The following GPRIN3 variants were observed in gnomAD, a reference collection of about 807,000 sequenced individuals.
GPRIN3 encodes GPRIN family member 3.
Under a neutral mutation model 13.7 loss-of-function variants are expected in GPRIN3, and 12 were observed. That is an observed-to-expected ratio of 0.87 (90% confidence interval 0.56 to 1.42). GPRIN3 has a LOEUF of 1.42. Ranked by LOEUF, GPRIN3 falls within the 40% of genes most tolerant of loss-of-function variation. The pLI, the probability that GPRIN3 is intolerant of heterozygous loss-of-function variation, is 0.00. For synonymous variants in GPRIN3, 377 were observed against 372.7 expected, an observed-to-expected ratio of 1.01 and a Z score of -0.13; for missense variants, 1,009 against 958.7, an observed-to-expected ratio of 1.05 and a Z score of -0.69.
At chr4:89,299,308 C>T (rs1188272651) in intron 1 of GPRIN3, among the ~76,000 whole-genome samples, 5 of 151,894 alleles carry the variant, frequency 3.3e-5, no homozygotes, top group Admixed American at 2.0e-4. Context: ...GTTGAAACAC[C>T]GACACTTTAG....
Position 89,247,523 on chromosome 4 carries a change from T to C in GPRIN3, c.*257A>G, listed in dbSNP as rs567316955. The stretch of plus-strand genomic sequence containing the variant: ...CATATTTTTAAAAACCCAGTGAGTA[T>C]TATTTTCAATTTGTTAAGGTTGCAA... On this transcript the variant is annotated 3_prime_UTR_variant, in exon 2 of 2. Coordinates refer to ENST00000609438, the MANE Select transcript of GPRIN3 (RefSeq NM_198281.3). 1.3e-4 allele frequency: 55 copies of C among 411,606 alleles called. No homozygotes were observed. Among genetic ancestry groups the C allele is most frequent in the Non-Finnish European group, 2.2e-4 (51 of 232,234 alleles). 25.5% of individuals were successfully genotyped at this position (411,606 alleles called of 1,614,324 possible).
chr4:89,254,561 C>CT (rs763196684), intron 1 of GPRIN3, among the ~76,000 whole-genome samples: 3 of 152,128 alleles, frequency 2.0e-5, no homozygotes, highest in African/African-American at 4.8e-5. Flanking sequence ...TGATCTCATT[C>CT]TTTTTTTATG....
At chr4:89,258,233 T>C (rs963709388) in intron 1 of GPRIN3, among the ~76,000 whole-genome samples, 7 of 146,738 alleles carry the variant, frequency 4.8e-5, no homozygotes, top group African/African-American at 1.8e-4. Context: ...GCCTGAGCAT[T>C]TTTTTTTTTT....
intron 1 of GPRIN3, among the ~76,000 whole-genome samples, chr4:89,262,399 G>A (rs56708879): frequency 0.079 from 11,963 of 152,040 alleles, 1,476 homozygotes; most frequent in African/African-American, 0.26. Context: ...TTTTCGCTTA[G>A]TATCCTTTTG....
intron 1 of GPRIN3, among the ~76,000 whole-genome samples, chr4:89,254,654 T>C (rs1723420706): frequency 6.6e-6 from 1 of 152,214 alleles, no homozygotes; most frequent in African/African-American, 2.4e-5. Context: ...TGATTCCATG[T>C]CTTTGCTATC....
chr4:89,289,007 TG>T (rs1368189870), intron 1 of GPRIN3, among the ~76,000 whole-genome samples: 4 of 152,030 alleles, frequency 2.6e-5, no homozygotes, highest in African/African-American at 9.7e-5. Context: ...CATTTTCCTA[TG>T]TCGACTTTTC....
At chr4:89,264,945 C>A (rs1723742753) in intron 1 of GPRIN3, among the ~76,000 whole-genome samples, 1 of 152,108 alleles carries the variant, frequency 6.6e-6, no homozygotes, top group Admixed American at 6.5e-5. Context: ...CTCATTGATA[C>A]CCTAAGTGCC....
intron 1 of GPRIN3, among the ~76,000 whole-genome samples, chr4:89,259,641 G>A (rs1306242719): frequency 6.6e-6 from 1 of 152,154 alleles, no homozygotes. Flanking sequence ...TCTTGTCCTT[G>A]CTGCATTCTT....
intron 1 of GPRIN3, among the ~76,000 whole-genome samples, chr4:89,295,172 G>T (rs1724697632): frequency 6.6e-6 from 1 of 152,128 alleles, no homozygotes; most frequent in Admixed American, 6.5e-5. Flanking sequence ...GACATTTCTA[G>T]CTAGGAAATG....
intron 1 of GPRIN3, among the ~76,000 whole-genome samples, chr4:89,296,401 G>C (rs1418717524): frequency 6.6e-6 from 1 of 152,112 alleles, no homozygotes; most frequent in Non-Finnish European, 1.5e-5. Flanking sequence ...TAATTCATTA[G>C]AACTACAGTT....
At chr4:89,269,310 C>G (rs564192952) in intron 1 of GPRIN3, among the ~76,000 whole-genome samples, 4 of 152,042 alleles carry the variant, frequency 2.6e-5, no homozygotes, top group Non-Finnish European at 4.4e-5. Flanking sequence ...AGCAGGCTAG[C>G]CTGCTGAATG....
At position 89,246,835 on chromosome 4, in the gene GPRIN3, T is replaced by G. The variant is rs1723114815; in HGVS notation, c.*945A>C. On this transcript the variant is annotated 3_prime_UTR_variant, in exon 2 of 2. Transcript: ENST00000609438. ...GCTTTTATCATCACAGAAAAAGCAG[T>G]GTTTGGTAATCTGCTATTTATAGTT... is the stretch of plus-strand genomic sequence containing the variant. 1 of 152,226 alleles carries G rather than the reference T, an allele frequency of 6.6e-6. No homozygotes were observed. Among genetic ancestry groups the G allele is most frequent in the Non-Finnish European group, 1.5e-5 (1 of 68,036 alleles). 9.4% of individuals were successfully genotyped at this position (152,226 alleles called of 1,614,324 possible).
intron 1 of GPRIN3, among the ~76,000 whole-genome samples, chr4:89,300,235 G>GT: frequency 6.6e-6 from 1 of 152,172 alleles, no homozygotes; most frequent in Admixed American, 6.5e-5. Context: ...GGTACTTAGG[G>GT]AACACCTAAG....
chr4:89,275,679 T>C (rs1724072779), intron 1 of GPRIN3, among the ~76,000 whole-genome samples: 1 of 152,194 alleles, frequency 6.6e-6, no homozygotes, highest in Non-Finnish European at 1.5e-5. Flanking sequence ...CTACCAGCCC[T>C]GCAAAGAGCT....
intron 1 of GPRIN3, among the ~76,000 whole-genome samples, chr4:89,287,394 G>A (rs1259618551): frequency 6.6e-6 from 1 of 152,164 alleles, no homozygotes; most frequent in African/African-American, 2.4e-5. Flanking sequence ...TACAACCTGT[G>A]GTTAATACAA....
At chr4:89,272,862 T>C (rs1723997278) in intron 1 of GPRIN3, among the ~76,000 whole-genome samples, 1 of 152,232 alleles carries the variant, frequency 6.6e-6, no homozygotes, top group Non-Finnish European at 1.5e-5. Flanking sequence ...ACCAAATTGA[T>C]ATGCATAGTG....
At chr4:89,301,750 C>A (rs1199771801) in intron 1 of GPRIN3, among the ~76,000 whole-genome samples, 2 of 152,138 alleles carry the variant, frequency 1.3e-5, no homozygotes, top group Non-Finnish European at 2.9e-5. Flanking sequence ...CTCTGTAACT[C>A]TTTTTTCCTC....
intron 1 of GPRIN3, among the ~76,000 whole-genome samples, chr4:89,259,749 T>A (rs1004711655): frequency 1.3e-5 from 2 of 152,054 alleles, no homozygotes; most frequent in Admixed American, 6.5e-5. Flanking sequence ...AGTCTTCCAC[T>A]CCACTTGCTT....
chr4:89,288,333 G>A (rs1724479504), intron 1 of GPRIN3, among the ~76,000 whole-genome samples: 1 of 152,158 alleles, frequency 6.6e-6, no homozygotes, highest in African/African-American at 2.4e-5. Context: ...AGATTTGATG[G>A]TTGTTCTATG....
Sources: allele counts gnomAD v4.1 joint callset (sites outside exome capture counted in the v4.1 genomes callset), GRCh38; gene constraint gnomAD v4.1.1; transcripts MANE v1.5; gene names NCBI Gene and HGNC (gene_info 2026-07-23, HGNC 2026-07-21).